Variants in ZSCAN5A observed in about 807,000 individuals in gnomAD.
ZSCAN5A encodes the protein zinc finger and SCAN domain-containing protein 5A.
ZSCAN5A carries 12 observed loss-of-function variants against 23.7 expected under a neutral mutation model. That is an observed-to-expected ratio of 0.51 (90% CI 0.32 to 0.82). ZSCAN5A has a LOEUF of 0.82. Ranked by LOEUF, ZSCAN5A falls within the 40% of genes least tolerant of loss-of-function variation. The probability of loss-of-function intolerance (pLI) is 0.03; values close to 1 mark genes in which losing one functional copy is unlikely to be tolerated. For synonymous variants in ZSCAN5A, 257 were observed against 239.9 expected (o/e 1.07, Z -0.66); for missense variants, 597 against 617.9 (o/e 0.97, Z 0.36).
At chr19:56,297,348 TTTC>T (rs377278275) in intron 2 of ZSCAN5A, among the ~76,000 whole-genome samples, 1 of 151,488 alleles carries the variant, frequency 6.6e-6, no homozygotes, top group African/African-American at 2.4e-5. Context: ...TTTCTTTTCC[TTTC>T]TTTTCTCCTC....
chr19:56,221,387 A>G lies in ZSCAN5A; in HGVS notation c.*188T>C, dbSNP rs1293076219. 1 of 589,010 alleles carries G rather than the reference A, an allele frequency of 1.7e-6. No individual in the cohort carries two copies. The highest frequency in any genetic ancestry group is 2.9e-5 in the East Asian group (1 of 34,746). 36.5% of individuals were successfully genotyped at this position (589,010 alleles called of 1,614,324 possible). On this transcript the variant is annotated 3_prime_UTR_variant, in exon 6 of 6. Transcript: ENST00000683990. ...ATAAACCTATAAGAAAACAATGGAC[A>G]TAATGAAACAGAAAACAAAGCTCAG... is the stretch of plus-strand genomic sequence containing the variant.
At chr19:56,322,406 T>G in intron 2 of ZSCAN5A, 4 of 646,600 alleles carry the variant, frequency 6.2e-6, no homozygotes, top group East Asian at 2.7e-5. Context: ...CCTACAAATT[T>G]GTCCAGGAGG....
intron 2 of ZSCAN5A, among the ~76,000 whole-genome samples, chr19:56,242,491 A>T (rs2035507579): frequency 6.6e-6 from 1 of 151,964 alleles, no homozygotes; most frequent in Admixed American, 6.6e-5. Context: ...CCCTCTGCTG[A>T]TTGTCTCCCT....
At position 56,352,565 on chromosome 19, in the gene ZSCAN5A, G is replaced by A. The variant is rs1600299980; in HGVS notation, c.-358+10670C>T. On this transcript the variant is annotated intron_variant, in intron 2 of 6. Transcript: ENST00000587340. This position sits in a 1 kb window ranked among gnomAD's most constrained non-coding sequence, Gnocchi z 4.2. Reference sequence around the variant, plus strand: ...AGAATATTCAAGACAATTGCAACAGGGGAGAGAGACCCAACTCTGAATATA... The same window carrying A: ...AGAATATTCAAGACAATTGCAACAGAGGAGAGAGACCCAACTCTGAATATA... Among the ~76,000 whole-genome samples the A allele has an allele frequency of 2.6e-5, 4 of 152,326 alleles. No homozygotes were observed. The highest frequency in any genetic ancestry group is 2.6e-4 in the Admixed American group (4 of 15,296).
At chr19:56,324,460 G>A (rs2041413928) in intron 2 of ZSCAN5A, among the ~76,000 whole-genome samples, 1 of 152,006 alleles carries the variant, frequency 6.6e-6, no homozygotes, top group Non-Finnish European at 1.5e-5. Flanking sequence ...AGTTAAAATG[G>A]CTTTTATCAG....
chr19:56,342,538 C>A, intron 2 of ZSCAN5A: 1 of 337,694 alleles, frequency 3.0e-6, no homozygotes. Flanking sequence ...AATGGACCAC[C>A]CACTTTATCA....
chr19:56,341,324 T>C (rs2041590422), intron 2 of ZSCAN5A: 2 of 152,180 alleles, frequency 1.3e-5, no homozygotes, highest in Non-Finnish European at 2.9e-5. Context: ...GGAACCAAGT[T>C]GGAAAACACA....
intron 2 of ZSCAN5A, among the ~76,000 whole-genome samples, chr19:56,337,000 G>T (rs1376099268): frequency 3.3e-5 from 5 of 152,210 alleles, no homozygotes; most frequent in Non-Finnish European, 7.3e-5. Flanking sequence ...CCTACTGGGG[G>T]GTGCCTCCCA....
intron 2 of ZSCAN5A, among the ~76,000 whole-genome samples, chr19:56,349,858 C>T (rs991297104): frequency 1.3e-5 from 2 of 152,172 alleles, no homozygotes; most frequent in Non-Finnish European, 2.9e-5. Flanking sequence ...TCAAAGTTCA[C>T]TGCCAAATAT....
At chr19:56,325,348 C>T (rs1338336840) in intron 2 of ZSCAN5A, among the ~76,000 whole-genome samples, 3 of 152,160 alleles carry the variant, frequency 2.0e-5, no homozygotes, top group African/African-American at 7.2e-5. Context: ...CCTAATGTCC[C>T]GCTTTATGGG....
intron 2 of ZSCAN5A, among the ~76,000 whole-genome samples, chr19:56,331,185 T>C (rs889193167): frequency 2.0e-5 from 3 of 152,226 alleles, no homozygotes; most frequent in African/African-American, 7.2e-5. Context: ...CATGCTGTTT[T>C]GCTTATCGTA....
chr19:56,299,985 G>A (rs935449484), intron 2 of ZSCAN5A: 2 of 152,092 alleles, frequency 1.3e-5, no homozygotes, highest in African/African-American at 4.8e-5. Context: ...GGTAATAATA[G>A]GCAAAAGGAT....
chr19:56,275,575 G>A (rs1181439842), intron 2 of ZSCAN5A, among the ~76,000 whole-genome samples: 2 of 152,138 alleles, frequency 1.3e-5, no homozygotes, highest in African/African-American at 4.8e-5. Context: ...ACAAAAAATA[G>A]TAAGAATAAA....
intron 2 of ZSCAN5A, among the ~76,000 whole-genome samples, chr19:56,336,970 G>A (rs1183187582): frequency 3.3e-5 from 5 of 152,098 alleles, no homozygotes; most frequent in African/African-American, 9.7e-5. Context: ...GTACCCAGCC[G>A]TGTGAGGTGT....
chr19:56,229,341 A>T (rs2034259618), intron 2 of ZSCAN5A, among the ~76,000 whole-genome samples: 1 of 152,236 alleles, frequency 6.6e-6, no homozygotes, highest in Non-Finnish European at 1.5e-5. Context: ...TGGGAGTAGA[A>T]CTTTCCTGAT....
intron 2 of ZSCAN5A, among the ~76,000 whole-genome samples, chr19:56,250,354 G>A (rs1272472199): frequency 6.6e-6 from 1 of 152,194 alleles, no homozygotes; most frequent in Non-Finnish European, 1.5e-5. Context: ...AACAAAGGTT[G>A]AGAACCACTG....
rs886263666 is a variant in ZSCAN5A at position 56,245,503 on chromosome 19, T to C, written c.-127-20330A>G. The C allele has an allele frequency of 7.1e-6, 3 of 423,916 alleles. No individual in the cohort carries two copies. The South Asian group carries it at 1.3e-4, about 18-fold the overall frequency. The allele number at this position is 423,916 out of a possible 1,614,324, so 26.3% of individuals were successfully genotyped here. A position where few individuals can be genotyped will look rare whatever the true frequency, so the allele number is the denominator to read the frequency against. On this transcript the variant is annotated intron_variant, in intron 2 of 5. Coordinates refer to ENST00000683990, the MANE Select transcript of ZSCAN5A (RefSeq NM_001322064.3). ...AAAACTGAGTGTGCCTCTGGACTGA[T>C]TGAGAGATTTGGCACAGGACAAGAA...
chr19:56,302,303 CTCT>C (rs1281925387), intron 2 of ZSCAN5A, among the ~76,000 whole-genome samples: 3 of 149,434 alleles, frequency 2.0e-5, no homozygotes, highest in Admixed American at 1.3e-4. Flanking sequence ...TCCTTCTTCC[CTCT>C]TTTCTCCCTC....
upstream of ZSCAN5A, chr19:56,319,728 C>T (rs1198527789): frequency 1.5e-6 from 1 of 665,310 alleles, no homozygotes; most frequent in Non-Finnish European, 2.8e-6. Flanking sequence ...ACAAACAAGA[C>T]CTGTTTAACA....
Sources: gnomAD v4.1 joint callset for allele counts (sites outside exome capture counted in the v4.1 genomes callset) on GRCh38, gnomAD v4.1.1 for gene constraint, Gnocchi (gnomAD v3.1) non-coding constraint, MANE v1.5 for transcripts, NCBI Gene and HGNC (gene_info 2026-07-23, HGNC 2026-07-21) for gene names.